Variants in SYT1 observed in about 807,000 individuals in gnomAD.
The protein encoded by SYT1 is synaptotagmin-1.
In SYT1, 8 loss-of-function variants were observed where a neutral mutation model predicts 44.8. The observed-to-expected ratio is 0.18, with a 90% CI of 0.10 to 0.32. The LOEUF is 0.32. SYT1 is among the 10% of genes least tolerant of loss of function. The pLI is 1.00. For synonymous variants in SYT1, 154 were observed against 188.8 expected (o/e 0.82, Z 1.51); for missense variants, 286 against 509.3 (o/e 0.56, Z 4.22).
chr12:78,873,948 T>C (rs1428138913), intron 1 of SYT1, among the ~76,000 whole-genome samples: 2 of 151,662 alleles, frequency 1.3e-5, no homozygotes, highest in Non-Finnish European at 3.0e-5. Context: ...GTAGCTAATC[T>C]GATTTAAGAA....
At chr12:79,178,738 T>A (rs934521923) in intron 3 of SYT1, among the ~76,000 whole-genome samples, 7 of 151,402 alleles carry the variant, frequency 4.6e-5, no homozygotes, top group Non-Finnish European at 8.8e-5. Context: ...TTATATCACA[T>A]CTCCCACTGT....
chr12:79,210,719 GTATCTT>G (rs774716847), intron 3 of SYT1, among the ~76,000 whole-genome samples: 14 of 152,178 alleles, frequency 9.2e-5, no homozygotes. Context: ...GCATGTGCAA[GTATCTT>G]TTTCATATAA....
intron 1 of SYT1, among the ~76,000 whole-genome samples, chr12:78,959,688 A>C (rs1362735524): frequency 6.6e-6 from 1 of 152,174 alleles, no homozygotes; most frequent in Non-Finnish European, 1.5e-5. Context: ...GCTTCTTAAG[A>C]ATATGTGCCC....
intron 9 of SYT1, among the ~76,000 whole-genome samples, chr12:79,429,720 G>A (rs2136174918): frequency 6.6e-6 from 1 of 152,194 alleles, no homozygotes; most frequent in Admixed American, 6.5e-5. Flanking sequence ...TAGTAGAGAC[G>A]GGGTTTCACC....
At chr12:78,895,920 G>C (rs907074201) in intron 1 of SYT1, among the ~76,000 whole-genome samples, 1 of 151,646 alleles carries the variant, frequency 6.6e-6, no homozygotes, top group Non-Finnish European at 1.5e-5. Context: ...TAAGAGAAAC[G>C]TAAGGACAGG....
intron 4 of SYT1, among the ~76,000 whole-genome samples, chr12:79,227,338 T>A (rs1875584627): frequency 1.3e-5 from 2 of 152,310 alleles, no homozygotes; most frequent in African/African-American, 4.8e-5. Flanking sequence ...TTTTAGAATT[T>A]TTTTTATTTT....
chr12:79,054,066 G>T (rs1420093388), intron 3 of SYT1, among the ~76,000 whole-genome samples: 2 of 151,986 alleles, frequency 1.3e-5, no homozygotes, highest in African/African-American at 4.8e-5. Context: ...ATTATTCAAA[G>T]AATTCTTCTG....
chr12:79,291,248 C>A (rs182522213), intron 5 of SYT1, among the ~76,000 whole-genome samples: 189 of 152,206 alleles, frequency 1.2e-3, no homozygotes, highest in African/African-American at 4.4e-3. Context: ...TGATTTTGTT[C>A]TTAAATACAA....
intron 9 of SYT1, among the ~76,000 whole-genome samples, chr12:79,356,307 A>G (rs1883109953): frequency 6.6e-6 from 1 of 151,704 alleles, no homozygotes; most frequent in South Asian, 2.1e-4. Context: ...CCTTTTTTTA[A>G]ATGCCATTAG....
intron 4 of SYT1, among the ~76,000 whole-genome samples, chr12:79,256,283 T>TTGAA (rs1341516847): frequency 1.3e-5 from 2 of 152,234 alleles, no homozygotes; most frequent in African/African-American, 4.8e-5. Context: ...AGCACAGGTG[T>TTGAA]ATTTAATTGC....
In SYT1 at chr12:78,916,866, T is replaced by G. The variant is rs77729809; in HGVS notation, c.-217+51757T>G. On this transcript the variant is annotated intron_variant, in intron 1 of 10. Coordinates refer to ENST00000261205, the MANE Select transcript of SYT1 (RefSeq NM_005639.3). The stretch of plus-strand genomic sequence containing the variant: ...CCTATGTACCCCCATTCTCACAGAT[T>G]CATTTCTTTTTTAAAAATATAAACT... 1.1e-3 allele frequency among the ~76,000 whole-genome samples: 167 copies of G among 152,134 alleles called. 1 individual carries two copies. The East Asian group carries it at 0.029, about 26-fold the overall frequency.
At chr12:79,354,486 G>A (rs184893921) in intron 9 of SYT1, among the ~76,000 whole-genome samples, 57 of 152,188 alleles carry the variant, frequency 3.7e-4, no homozygotes, top group Admixed American at 2.5e-3. Flanking sequence ...GTCATCCTAA[G>A]GCAGCATGGT....
At chr12:79,025,460 TAA>T (rs1258312191) in intron 2 of SYT1, among the ~76,000 whole-genome samples, 1 of 151,676 alleles carries the variant, frequency 6.6e-6, no homozygotes, top group Non-Finnish European at 1.5e-5. Flanking sequence ...CATGAGAAAC[TAA>T]GTTTAGTAGC....
At chr12:79,131,607 A>T (rs1269169382) in intron 3 of SYT1, among the ~76,000 whole-genome samples, 1 of 152,194 alleles carries the variant, frequency 6.6e-6, no homozygotes, top group Non-Finnish European at 1.5e-5. Flanking sequence ...TTTTAAGCTA[A>T]TAAGACAGCA....
intron 5 of SYT1, among the ~76,000 whole-genome samples, chr12:79,290,775 T>C (rs1156440381): frequency 1.3e-5 from 2 of 151,946 alleles, no homozygotes; most frequent in Non-Finnish European, 2.9e-5. Context: ...GTTGAAATCA[T>C]CAAAATACAA....
chr12:79,056,683 A>G (rs937354356), intron 3 of SYT1, among the ~76,000 whole-genome samples: 4 of 152,212 alleles, frequency 2.6e-5, no homozygotes, highest in African/African-American at 9.6e-5. Flanking sequence ...TTTTAAAGTT[A>G]AGGGCAGTAT....
In SYT1 at chr12:79,188,128, AT is replaced by A. The variant is rs1322674663; in HGVS notation, c.-17-29369del. Reference sequence around the variant, plus strand: ...ATTTATTGTGCTGCTTTTTAAAATAATTTTTTAAAGTGAAATTTCCTATTCC... The same window carrying A: ...ATTTATTGTGCTGCTTTTTAAAATAATTTTTAAAGTGAAATTTCCTATTCC... On this transcript the variant is annotated intron_variant, in intron 3 of 10. Coordinates refer to ENST00000261205, the MANE Select transcript of SYT1 (RefSeq NM_005639.3). Among the ~76,000 whole-genome samples the A allele has an allele frequency of 5.9e-5, 9 of 152,198 alleles. No individual in the cohort carries two copies. In the South Asian group the frequency reaches 1.0e-3, roughly 18 times the overall value.
intron 9 of SYT1, among the ~76,000 whole-genome samples, chr12:79,395,974 G>A (rs1884854842): frequency 6.6e-6 from 1 of 152,058 alleles, no homozygotes; most frequent in African/African-American, 2.4e-5. Context: ...ATCATACTAT[G>A]GCTGCAATAT....
intron 3 of SYT1, among the ~76,000 whole-genome samples, chr12:79,047,897 C>A (rs1874191434): frequency 6.6e-6 from 1 of 151,750 alleles, no homozygotes; most frequent in Admixed American, 6.6e-5. Flanking sequence ...AAATGTATTT[C>A]CTTGCTATTG....
Sources: allele counts gnomAD v4.1 joint callset (sites outside exome capture counted in the v4.1 genomes callset), GRCh38; gene constraint gnomAD v4.1.1; transcripts MANE v1.5; gene names NCBI Gene and HGNC (gene_info 2026-07-23, HGNC 2026-07-21).